TECRL: variants seen among roughly 807,000 people sequenced by gnomAD.
TECRL encodes the protein trans-2,3-enoyl-CoA reductase like.
In TECRL, 63 loss-of-function variants were observed where a neutral mutation model predicts 52.8. The ratio of observed to expected loss-of-function variants is 1.19; its 90% CI spans 0.97 to 1.47. The LOEUF (loss-of-function observed/expected upper bound fraction) is 1.47. Among genes scored for constraint, TECRL ranks in the 40% most tolerant of loss-of-function variants. The probability of loss-of-function intolerance (pLI) is 0.00; values close to 1 mark genes in which losing one functional copy is unlikely to be tolerated. For synonymous variants in TECRL, 164 were observed against 141.9 expected (o/e 1.16, Z -1.10); for missense variants, 482 against 429.6 (o/e 1.12, Z -1.08).
intron 1 of TECRL, among the ~76,000 whole-genome samples, chr4:64,401,781 G>A (rs887644242): frequency 6.6e-6 from 1 of 152,062 alleles, no homozygotes; most frequent in Non-Finnish European, 1.5e-5. Flanking sequence ...TGTTATTTAA[G>A]CTTTATGTAT....
chr4:64,356,145 G>A (rs191612616), intron 2 of TECRL, among the ~76,000 whole-genome samples: 11 of 152,186 alleles, frequency 7.2e-5, no homozygotes, highest in East Asian at 3.9e-4. Context: ...CTCTAATCTC[G>A]ATAAACCAGG....
intron 5 of TECRL, 149 bp from the exon 6 acceptor site, chr4:64,310,080 A>G: frequency 5.6e-6 from 3 of 535,636 alleles, no homozygotes; most frequent in Non-Finnish European, 9.9e-6. Flanking sequence ...TTGCTTTAAT[A>G]TTTTATTTTC....
At chr4:64,406,147 G>GGCGCGCGCGCGCGC (rs67324937) in intron 1 of TECRL, among the ~76,000 whole-genome samples, 1 of 146,566 alleles carries the variant, frequency 6.8e-6, no homozygotes, top group Non-Finnish European at 1.5e-5. Context: ...TTATTTGTTA[G>GGCGCGCGCGCGCGC]GCGCGCGCGC....
intron 1 of TECRL, among the ~76,000 whole-genome samples, chr4:64,406,824 C>T (rs750313998): frequency 8.6e-5 from 13 of 151,806 alleles, no homozygotes; most frequent in African/African-American, 3.1e-4. Flanking sequence ...TATTGAAAGA[C>T]GGGCACTAAG....
At chr4:64,312,262 A>T (rs1424633092) in intron 5 of TECRL, among the ~76,000 whole-genome samples, 2 of 152,194 alleles carry the variant, frequency 1.3e-5, no homozygotes, top group African/African-American at 4.8e-5. Flanking sequence ...ATCATCCTGA[A>T]AATTAGGTGA....
intron 5 of TECRL, among the ~76,000 whole-genome samples, chr4:64,313,476 CTTTTTT>C (rs565143298): frequency 3.0e-5 from 2 of 66,318 alleles, no homozygotes; most frequent in Admixed American, 2.3e-4. Flanking sequence ...TGCCTTACTC[CTTTTTT>C]TTTTTTTTTT....
chr4:64,309,230 T>C (rs1338133153), intron 6 of TECRL, among the ~76,000 whole-genome samples: 1 of 152,196 alleles, frequency 6.6e-6, no homozygotes, highest in Non-Finnish European at 1.5e-5. Context: ...CAGGACACTT[T>C]TTTTACAGAC....
chr4:64,331,844 T>C (rs1359224334), intron 2 of TECRL, among the ~76,000 whole-genome samples: 1 of 151,864 alleles, frequency 6.6e-6, no homozygotes, highest in Non-Finnish European at 1.5e-5. Flanking sequence ...TCAGAAAATA[T>C]GAAAGATAGA....
intron 1 of TECRL, among the ~76,000 whole-genome samples, chr4:64,380,390 T>A (rs2109702541): frequency 6.6e-6 from 1 of 152,258 alleles, no homozygotes; most frequent in East Asian, 1.9e-4. Context: ...TCCTGTGTTA[T>A]GCAGAAGCTG....
chr4:64,386,743 T>G (rs776765440), intron 1 of TECRL, among the ~76,000 whole-genome samples: 10 of 152,086 alleles, frequency 6.6e-5, no homozygotes, highest in Non-Finnish European at 1.5e-4. Flanking sequence ...TAAAATCAAT[T>G]TGTTTTGTTT....
chr4:64,279,818 G>A lies in TECRL; in HGVS notation c.*254C>T, dbSNP rs1056454864. 3 of 1,026,282 alleles carry A rather than the reference G, an allele frequency of 2.9e-6. No individual in the cohort carries two copies. In the East Asian group the frequency reaches 2.7e-4, roughly 92 times the overall value. 63.6% of individuals were successfully genotyped at this position (1,026,282 alleles called of 1,614,324 possible). On this transcript the variant is annotated 3_prime_UTR_variant, in exon 12 of 12. Transcript: ENST00000381210. ...GTATTGTGAAGTATTAATGAAGTAA[G>A]ACAATTTTATTCAAGGACCAATCCC...
Position 64,341,923 on chromosome 4 carries a change from T to A in TECRL, c.287-13367A>T, listed in dbSNP as rs1719603806. 3.9e-5 allele frequency among the ~76,000 whole-genome samples: 5 copies of A among 129,716 alleles called. No homozygotes were observed. The South Asian group carries it at 1.4e-3, about 35-fold the overall frequency. 85.1% of individuals were successfully genotyped at this position (129,716 alleles called of 152,430 possible). A position where few individuals can be genotyped will look rare whatever the true frequency, so the allele number is the denominator to read the frequency against. On this transcript the variant is annotated intron_variant, in intron 2 of 11. Coordinates refer to ENST00000381210, the MANE Select transcript of TECRL (RefSeq NM_001010874.5). Reference sequence around the variant, plus strand: ...CATGTCTGACTGTGGAGTGGCCTGATCCAACACTCACTCACACACCCTTTG... The same window carrying A: ...CATGTCTGACTGTGGAGTGGCCTGAACCAACACTCACTCACACACCCTTTG...
rs531892327 is a variant in TECRL at position 64,280,897 on chromosome 4, C to T, written c.964+144G>A. The T allele has an allele frequency of 8.1e-5, 38 of 467,632 alleles. No homozygotes were observed. The South Asian group carries it at 2.1e-3, about 25-fold the overall frequency. 29.0% of individuals were successfully genotyped at this position (467,632 alleles called of 1,614,324 possible). ...AAAAGTACTTCAATATATTTTAATA[C>T]TGCTAAAAATCAAACTCAGTATGAA... On this transcript the variant is annotated intron_variant, in intron 11 of 11. Coordinates refer to ENST00000381210, the MANE Select transcript of TECRL (RefSeq NM_001010874.5).
At chr4:64,372,355 C>T (rs961901905) in intron 2 of TECRL, among the ~76,000 whole-genome samples, 2 of 151,742 alleles carry the variant, frequency 1.3e-5, no homozygotes, top group Non-Finnish European at 1.5e-5. Flanking sequence ...ATGCATAGAT[C>T]TAATTTGTAG....
intron 1 of TECRL, among the ~76,000 whole-genome samples, chr4:64,385,963 T>G (rs1723154227): frequency 6.6e-6 from 1 of 152,174 alleles, no homozygotes; most frequent in African/African-American, 2.4e-5. Flanking sequence ...TTCATGCCAC[T>G]TTCCTGCTCA....
chr4:64,280,129 C>T lies in TECRL; in HGVS notation c.1035G>A (p.Leu345=), dbSNP rs145001397. 10 of 1,603,672 alleles carry T rather than the reference C, an allele frequency of 6.2e-6. No individual in the cohort carries two copies. In the East Asian group the frequency reaches 9.0e-5, roughly 14 times the overall value. Residue 345 remains leucine, a synonymous_variant, in exon 12 of 12, where the codon CTG becomes CTA. Coordinates refer to ENST00000381210, the MANE Select transcript of TECRL (RefSeq NM_001010874.5). ...TATGAATATATGAATTGAATTTTCTCAGATAAATCTTATGTTTCTTTTGTG... is the reference window on the plus strand; with the variant it reads ...TATGAATATATGAATTGAATTTTCTTAGATAAATCTTATGTTTCTTTTGTG... The part of the protein sequence containing the change: ...LWAQKKHKIY[L]RKFNSYIHRK...
chr4:64,359,050 T>G (rs1324960791), intron 2 of TECRL, among the ~76,000 whole-genome samples: 7 of 151,944 alleles, frequency 4.6e-5, no homozygotes, highest in Non-Finnish European at 1.0e-4. Context: ...ATTGTTTATA[T>G]GGAATTCCAT....
intron 8 of TECRL, chr4:64,298,768 C>A (rs1448381652): frequency 6.6e-6 from 1 of 150,962 alleles, no homozygotes; most frequent in Non-Finnish European, 1.5e-5. Context: ...AGATATTAAT[C>A]TAAAACATAC....
intron 7 of TECRL, among the ~76,000 whole-genome samples, chr4:64,300,514 G>A (rs942196057): frequency 2.6e-4 from 39 of 150,442 alleles, no homozygotes; most frequent in African/African-American, 9.2e-4. Context: ...AAAAAATATA[G>A]GTTAAGTTCC....
Sources: gnomAD v4.1 joint callset for allele counts (sites outside exome capture counted in the v4.1 genomes callset) on GRCh38, gnomAD v4.1.1 for gene constraint, MANE v1.5 for transcripts, NCBI Gene and HGNC (gene_info 2026-07-23, HGNC 2026-07-21) for gene names.